Variants in TDRP observed in about 807,000 individuals in gnomAD.
The protein encoded by TDRP is testis development-related protein.
A neutral mutation model predicts 10.5 loss-of-function variants in TDRP; 12 were observed. The observed-to-expected ratio is 1.15, with a 90% confidence interval of 0.73 to 1.86. TDRP has a LOEUF of 1.86. Among genes scored for constraint, TDRP ranks in the 40% most tolerant of loss-of-function variants. The probability of loss-of-function intolerance (pLI) is 0.00; values close to 1 mark genes in which losing one functional copy is unlikely to be tolerated. For synonymous variants in TDRP, 139 were observed against 95.4 expected, an observed-to-expected ratio of 1.46 and a Z score of -2.67; for missense variants, 353 against 229.2, an observed-to-expected ratio of 1.54 and a Z score of -3.49.
chr8:530,224 ATTC>A (rs949732130), intron 1 of TDRP, among the ~76,000 whole-genome samples: 46 of 151,538 alleles, frequency 3.0e-4, no homozygotes, highest in Admixed American at 1.1e-3. Flanking sequence ...TGTTGTTGAT[ATTC>A]TTGTTATTGC....
intron 2 of TDRP, among the ~76,000 whole-genome samples, chr8:493,891 A>C (rs372603170): frequency 2.7e-4 from 41 of 151,878 alleles, no homozygotes; most frequent in African/African-American, 9.4e-4. Flanking sequence ...GTTATTTTCC[A>C]CTTTTCCATA....
intron 1 of TDRP, among the ~76,000 whole-genome samples, chr8:521,230 G>T (rs539515248): frequency 2.6e-5 from 3 of 115,290 alleles, no homozygotes; most frequent in African/African-American, 1.1e-4. Context: ...GTCAAACCCC[G>T]TCTCTACTAA....
chr8:540,683 G>T (rs910272536), intron 1 of TDRP, among the ~76,000 whole-genome samples: 3 of 151,880 alleles, frequency 2.0e-5, no homozygotes, highest in African/African-American at 7.2e-5. Context: ...GATTCTCAGA[G>T]AAGTTTATTT....
chr8:530,978 C>G (rs1282449260), intron 1 of TDRP, among the ~76,000 whole-genome samples: 1 of 152,116 alleles, frequency 6.6e-6, no homozygotes, highest in Non-Finnish European at 1.5e-5. Flanking sequence ...TCTGAAGCCC[C>G]CAGGCATCCA....
chr8:519,281 T>C (rs1485625684), intron 1 of TDRP, among the ~76,000 whole-genome samples: 1 of 152,176 alleles, frequency 6.6e-6, no homozygotes, highest in Non-Finnish European at 1.5e-5. Flanking sequence ...GCTATCTCTC[T>C]TCTGTTGAGC....
chr8:500,399 C>T (rs960156116), intron 1 of TDRP, among the ~76,000 whole-genome samples: 6 of 152,162 alleles, frequency 3.9e-5, no homozygotes, highest in South Asian at 2.1e-4. Flanking sequence ...CCCACCAGTG[C>T]GCACGTCCAG....
Position 500,361 on chromosome 8 carries a change from C to A in TDRP, c.109-5764G>T, listed in dbSNP as rs189398226. On this transcript the variant is annotated intron_variant, in intron 1 of 2. Transcript: ENST00000324079. ...GGACCTCTGGCTGGCATTGAATACA[C>A]AGGGAGCAATAAACCTCATCGGCAG... 7.2e-5 allele frequency among the ~76,000 whole-genome samples: 11 copies of A among 152,304 alleles called. No individual in the cohort carries two copies. In the East Asian group the frequency reaches 1.9e-3, roughly 27 times the overall value.
intron 1 of TDRP, among the ~76,000 whole-genome samples, chr8:519,616 C>A (rs1393632767): frequency 6.6e-6 from 1 of 152,140 alleles, no homozygotes; most frequent in Non-Finnish European, 1.5e-5. Context: ...ATTCTGCTTT[C>A]TCTAAGAGTT....
chr8:528,745 C>A (rs565665764), intron 1 of TDRP, among the ~76,000 whole-genome samples: 5 of 151,846 alleles, frequency 3.3e-5, no homozygotes, highest in African/African-American at 1.2e-4. Flanking sequence ...TACCCCTGTA[C>A]CAGTCAGGGT....
intron 1 of TDRP, among the ~76,000 whole-genome samples, chr8:501,222 A>G (rs1181292963): frequency 1.3e-5 from 2 of 151,768 alleles, no homozygotes; most frequent in African/African-American, 2.4e-5. Context: ...ACAAACAAAC[A>G]AAAAAAACAT....
chr8:492,307 T>A lies in TDRP; in HGVS notation c.*92A>T, dbSNP rs899582523. 1.2e-5 allele frequency: 17 copies of A among 1,377,832 alleles called. No individual in the cohort carries two copies. The highest frequency in any genetic ancestry group is 1.6e-5 in the Non-Finnish European group (17 of 1,062,974). The allele number at this position is 1,377,832 out of a possible 1,614,324, so 85.4% of individuals were successfully genotyped here. A position where few individuals can be genotyped will look rare whatever the true frequency, so the allele number is the denominator to read the frequency against. ...TCAAATATAGGCAAAAAGTAGACTC[T>A]CTATTCTTTCTAACGCGGAAAAGAC... On this transcript the variant is annotated 3_prime_UTR_variant, in exon 3 of 3. Transcript: ENST00000324079.
chr8:500,772 C>G (rs1458378402), intron 1 of TDRP, among the ~76,000 whole-genome samples: 1 of 152,206 alleles, frequency 6.6e-6, no homozygotes, highest in Non-Finnish European at 1.5e-5. Flanking sequence ...CCCTGCAACT[C>G]TGGGTCCTGA....
chr8:499,472 C>G (rs1801226872), intron 1 of TDRP, among the ~76,000 whole-genome samples: 1 of 152,174 alleles, frequency 6.6e-6, no homozygotes, highest in Non-Finnish European at 1.5e-5. Flanking sequence ...TCAGATGACC[C>G]TGGAGCTGGG....
In TDRP at chr8:506,581, C is replaced by T. The variant is rs536470444; in HGVS notation, c.109-11984G>A. The stretch of plus-strand genomic sequence containing the variant: ...TGCAAACAGTGGAGCCCTGATCACC[C>T]TTCCTGGGCTCGAGAGGTGACGGTT... On this transcript the variant is annotated intron_variant, in intron 1 of 2. Transcript: ENST00000324079. Among the ~76,000 whole-genome samples, 4 of 152,326 alleles carry T rather than the reference C, an allele frequency of 2.6e-5. No homozygotes were observed. The South Asian group carries it at 8.3e-4, about 32-fold the overall frequency.
At chr8:531,861 T>C (rs532257320) in intron 1 of TDRP, among the ~76,000 whole-genome samples, 2 of 152,286 alleles carry the variant, frequency 1.3e-5, no homozygotes, top group African/African-American at 4.8e-5. Context: ...TCACACCACA[T>C]ATTATTTCAA....
chr8:531,476 T>G (rs1005723190), intron 1 of TDRP, among the ~76,000 whole-genome samples: 1 of 152,236 alleles, frequency 6.6e-6, no homozygotes, highest in African/African-American at 2.4e-5. Context: ...GTGCTAATTC[T>G]GGGAAGGGAA....
intron 1 of TDRP, among the ~76,000 whole-genome samples, chr8:503,151 C>T (rs768252753): frequency 6.6e-6 from 1 of 151,980 alleles, no homozygotes; most frequent in Non-Finnish European, 1.5e-5. Context: ...AACACAGAAT[C>T]CAGAGCCACG....
At chr8:499,412 C>T (rs998184797) in intron 1 of TDRP, among the ~76,000 whole-genome samples, 19 of 152,178 alleles carry the variant, frequency 1.2e-4, no homozygotes, top group Admixed American at 6.5e-5. Context: ...GTGGTCTCCA[C>T]TAACCACACC....
intron 1 of TDRP, among the ~76,000 whole-genome samples, chr8:518,183 G>A (rs1801806274): frequency 6.6e-6 from 1 of 152,182 alleles, no homozygotes. Context: ...GGAGAGGGAT[G>A]TTGGTAGCAG....
Sources: allele counts gnomAD v4.1 joint callset (sites outside exome capture counted in the v4.1 genomes callset), GRCh38; gene constraint gnomAD v4.1.1; transcripts MANE v1.5; gene names NCBI Gene and HGNC (gene_info 2026-07-23, HGNC 2026-07-21).